Variants in MMP26 observed in about 807,000 individuals in gnomAD.
The protein encoded by MMP26 is matrix metalloproteinase-26.
MMP26 carries 33 observed loss-of-function variants against 31.0 expected under a neutral mutation model. The observed-to-expected ratio is 1.06, with a 90% CI of 0.81 to 1.42. The LOEUF (loss-of-function observed/expected upper bound fraction) is 1.42, where lower values mean the gene tolerates loss of function less well. Ranked by LOEUF, MMP26 falls within the 40% of genes most tolerant of loss-of-function variation. The probability of loss-of-function intolerance (pLI) is 0.00; values close to 1 mark genes in which losing one functional copy is unlikely to be tolerated. For missense variants in MMP26, 347 were observed against 316.1 expected (o/e 1.10, Z -0.74); for synonymous variants, 122 against 114.9 (o/e 1.06, Z -0.40).
intron 2 of MMP26, among the ~76,000 whole-genome samples, chr11:4,851,638 T>C (rs939114568): frequency 1.9e-4 from 29 of 151,926 alleles, no homozygotes; most frequent in African/African-American, 6.5e-4. Flanking sequence ...TATGTGTGTG[T>C]CTGTATATGT....
At chr11:4,843,082 C>A (rs1439057026) in intron 2 of MMP26, among the ~76,000 whole-genome samples, 1 of 152,238 alleles carries the variant, frequency 6.6e-6, no homozygotes, top group Non-Finnish European at 1.5e-5. Context: ...CCTTCAGCAC[C>A]TGTGCCCCTG....
chr11:4,903,483 A>G (rs1435838347), intron 2 of MMP26, among the ~76,000 whole-genome samples: 1 of 152,134 alleles, frequency 6.6e-6, no homozygotes, highest in Non-Finnish European at 1.5e-5. Flanking sequence ...TTGATTATAG[A>G]TAACATGTTA....
intron 2 of MMP26, chr11:4,882,069 T>C: frequency 6.2e-7 from 1 of 1,613,940 alleles, no homozygotes; most frequent in African/African-American, 1.3e-5. Flanking sequence ...AAGCGGAGAC[T>C]CCACAAACCC....
intron 1 of MMP26, among the ~76,000 whole-genome samples, chr11:4,740,368 C>G (rs2133291729): frequency 6.6e-6 from 1 of 152,182 alleles, no homozygotes; most frequent in Admixed American, 6.5e-5. Flanking sequence ...AGAAAAGTCA[C>G]AGCAGGAGGA....
At chr11:4,966,042 A>G (rs1282017312) in intron 2 of MMP26, among the ~76,000 whole-genome samples, 1 of 152,162 alleles carries the variant, frequency 6.6e-6, no homozygotes, top group African/African-American at 2.4e-5. Flanking sequence ...ACATTTTTGT[A>G]TGGGAGAGAG....
intron 2 of MMP26, among the ~76,000 whole-genome samples, chr11:4,868,427 GACAA>G (rs1284771628): frequency 7.9e-5 from 12 of 152,148 alleles, no homozygotes; most frequent in African/African-American, 2.6e-4. Context: ...ACCAATAACA[GACAA>G]ACAGAGAGCC....
At chr11:4,724,580 C>G (rs1476761193) in intron 1 of MMP26, among the ~76,000 whole-genome samples, 2 of 152,138 alleles carry the variant, frequency 1.3e-5, no homozygotes, top group Non-Finnish European at 2.9e-5. Flanking sequence ...GGTTTGGAAG[C>G]AAAAATTATA....
At chr11:4,903,518 A>G (rs1850833900) in intron 2 of MMP26, among the ~76,000 whole-genome samples, 1 of 152,136 alleles carries the variant, frequency 6.6e-6, no homozygotes, top group Non-Finnish European at 1.5e-5. Flanking sequence ...TCCAACCTCT[A>G]CAAATCCCAT....
chr11:4,953,082 A>G lies in MMP26; in HGVS notation c.-144-34986A>G, dbSNP rs1374978510. On this transcript the variant is annotated intron_variant, in intron 2 of 7. Coordinates refer to ENST00000380390, the MANE Select transcript of MMP26 (RefSeq NM_021801.5). ...TCATAGTGGGAAGGAAAGTTGGACT[A>G]TTTTTCAGCCACAAATCTAAAGCAA... 2.4e-5 allele frequency among the ~76,000 whole-genome samples: 3 copies of G among 125,172 alleles called. 1 individual carries two copies. Among genetic ancestry groups the G allele is most frequent in the African/African-American group, 5.4e-5 (2 of 36,800 alleles). The allele number at this position is 125,172 out of a possible 152,430, so 82.1% of individuals were successfully genotyped here.
intron 1 of MMP26, among the ~76,000 whole-genome samples, chr11:4,748,705 G>A (rs183039480): frequency 1.4e-4 from 21 of 150,984 alleles, no homozygotes; most frequent in Admixed American, 6.6e-4. Context: ...TATGATCACG[G>A]CAATAGTTGC....
Position 4,805,011 on chromosome 11 carries a change from G to A in MMP26, c.-145+37670G>A, listed in dbSNP as rs183400756. Among the ~76,000 whole-genome samples the A allele has an allele frequency of 3.5e-3, 530 of 151,112 alleles. 1 individual carries two copies. The highest frequency in any genetic ancestry group is 6.0e-3 in the Admixed American group (91 of 15,128). On this transcript the variant is annotated intron_variant, in intron 2 of 7. Coordinates refer to ENST00000380390, the MANE Select transcript of MMP26 (RefSeq NM_021801.5). Reference sequence around the variant, plus strand: ...TGAATCAATATTTTTCTTGAAAGTAGCATCTGCTAAGGGAAAATCATCATG... The same window carrying A: ...TGAATCAATATTTTTCTTGAAAGTAACATCTGCTAAGGGAAAATCATCATG...
At chr11:4,879,040 C>T (rs1005860661) in intron 2 of MMP26, among the ~76,000 whole-genome samples, 1 of 152,094 alleles carries the variant, frequency 6.6e-6, no homozygotes, top group Admixed American at 6.6e-5. Flanking sequence ...TTGAGACCAG[C>T]CTGGCCAACA....
chr11:4,785,526 T>C (rs958652166), intron 2 of MMP26, among the ~76,000 whole-genome samples: 12 of 152,214 alleles, frequency 7.9e-5, no homozygotes, highest in African/African-American at 2.7e-4. Context: ...GTATTTCTCA[T>C]GCCTACTAGA....
chr11:4,707,934 T>C (rs1389463), intron 1 of MMP26, among the ~76,000 whole-genome samples: 71,977 of 151,958 alleles, frequency 0.47, 18,289 homozygotes, highest in African/African-American at 0.65. Context: ...TCAGTTTCAT[T>C]AGAGGACGCT....
chr11:4,821,524 C>G, intron 2 of MMP26: 1 of 1,609,866 alleles, frequency 6.2e-7, no homozygotes, highest in South Asian at 1.1e-5. Flanking sequence ...CCCTTTTTGT[C>G]TCCTATATGT....
At chr11:4,959,290 A>G (rs967599786) in intron 2 of MMP26, among the ~76,000 whole-genome samples, 9 of 150,906 alleles carry the variant, frequency 6.0e-5, no homozygotes, top group Non-Finnish European at 1.0e-4. Context: ...CTGAATTTCT[A>G]TTACATTGCA....
rs150765092 is a variant in MMP26, at chr11:4,742,094, C to T, written c.-216-25176C>T. Among the ~76,000 whole-genome samples the T allele has an allele frequency of 4.8e-3, 725 of 152,218 alleles. 8 individuals are homozygous for T. Among genetic ancestry groups the T allele is most frequent in the African/African-American group, 0.016 (674 of 41,522 alleles). On this transcript the variant is annotated intron_variant, in intron 1 of 7. Coordinates refer to ENST00000380390, the MANE Select transcript of MMP26 (RefSeq NM_021801.5). ...CAGAAATGGAGCAGTGGTGAGTTTC[C>T]AATGCTATGTGACAAAACAGTCACT... is the stretch of plus-strand genomic sequence containing the variant.
At position 4,882,882 on chromosome 11, in the gene MMP26, G is replaced by A. The variant is rs769106356; in HGVS notation, c.-144-105186G>A. The A allele has an allele frequency of 2.0e-5, 32 of 1,608,400 alleles. 1 individual carries two copies. The East Asian group carries it at 7.2e-4, about 36-fold the overall frequency. On this transcript the variant is annotated intron_variant, in intron 2 of 7. Transcript: ENST00000380390. ...AGGGGTCTTAGGGGAAGATGGGATT[G>A]AAGGTAGGAAATTGTCAGGACACGA...
rs1846348574 is a variant in MMP26, at chr11:4,949,265, A to G, written c.-144-38803A>G. On this transcript the variant is annotated intron_variant, in intron 2 of 7. Coordinates refer to ENST00000380390, the MANE Select transcript of MMP26 (RefSeq NM_021801.5). ...ATGAAATAAAAATATGGGTTTTAGC[A>G]ATTGTAAAAACTATTCTCAAGGATT... Among the ~76,000 whole-genome samples the G allele has an allele frequency of 2.4e-5, 3 of 123,648 alleles. 1 individual carries two copies. Among genetic ancestry groups the G allele is most frequent in the African/African-American group, 8.2e-5 (3 of 36,512 alleles). The allele number at this position is 123,648 out of a possible 152,430, so 81.1% of individuals were successfully genotyped here.
Sources: gnomAD v4.1 joint callset for allele counts (sites outside exome capture counted in the v4.1 genomes callset) on GRCh38, gnomAD v4.1.1 for gene constraint, MANE v1.5 for transcripts, NCBI Gene and HGNC (gene_info 2026-07-23, HGNC 2026-07-21) for gene names.